GLDN: variants seen among roughly 807,000 people sequenced by gnomAD.
GLDN encodes gliomedin.
A neutral mutation model predicts 56.5 loss-of-function variants in GLDN; 47 were observed. The ratio of observed to expected loss-of-function variants is 0.83; its 90% CI spans 0.66 to 1.06. The LOEUF (loss-of-function observed/expected upper bound fraction) is 1.06. GLDN is among the 50% of genes least tolerant of loss of function. The pLI, the probability that GLDN is intolerant of heterozygous loss-of-function variation, is 0.00. For synonymous variants in GLDN, 332 were observed against 278.8 expected (o/e 1.19, Z -1.90); for missense variants, 782 against 714.3 (o/e 1.09, Z -1.08).
intron 1 of GLDN, among the ~76,000 whole-genome samples, chr15:51,345,092 G>A (rs1226621868): frequency 6.6e-6 from 1 of 152,136 alleles, no homozygotes; most frequent in Non-Finnish European, 1.5e-5. Context: ...ACTAACTCCT[G>A]TGGGAGATGC....
chr15:51,412,960 A>AT (rs147158000), downstream of GLDN, among the ~76,000 whole-genome samples: 11,255 of 151,168 alleles, frequency 0.074, 466 homozygotes, highest in Admixed American at 0.11. Flanking sequence ...GACAATTTAC[A>AT]TTTTTTTTTC....
At chr15:51,371,839 T>A (rs1282595079) in intron 1 of GLDN, among the ~76,000 whole-genome samples, 2 of 152,136 alleles carry the variant, frequency 1.3e-5, no homozygotes, top group East Asian at 3.9e-4. Context: ...CATGGCACAA[T>A]ACCCAGCTAA....
At position 51,401,708 on chromosome 15, in the gene GLDN, C is replaced by G; in HGVS notation, c.1143C>G (p.Leu381=). 1 of 1,614,206 alleles carries G rather than the reference C, an allele frequency of 6.2e-7. No individual in the cohort carries two copies. Among genetic ancestry groups the G allele is most frequent in the Non-Finnish European group, 8.5e-7 (1 of 1,180,004 alleles). Residue 381 remains leucine (L), a synonymous_variant, in exon 9 of 10, where the codon CTC becomes CTG. Transcript: ENST00000335449. The part of the protein sequence containing the change: ...GCGHVVYNNS[L]YYHKGGSNTL... ...GGCACGTTGTTTACAACAACTCTCT[C>G]TACTACCACAAAGGGGGTTCTAATA...
At chr15:51,384,022 T>C (rs1175929796) in intron 4 of GLDN, 130 bp downstream of exon 4, 7 of 763,882 alleles carry the variant, frequency 9.2e-6, no homozygotes, top group South Asian at 1.5e-5. Context: ...GGTTTAACTC[T>C]TACCTAGAAG....
chr15:51,341,923 C>T lies in GLDN; in HGVS notation c.239C>T (p.Ser80Phe). 1 of 1,595,640 alleles carries T rather than the reference C, an allele frequency of 6.3e-7. No individual in the cohort carries two copies. Among genetic ancestry groups the T allele is most frequent in the Non-Finnish European group, 8.5e-7 (1 of 1,178,616 alleles). The change falls in exon 1 of 10, where the codon TCC becomes TTC. Residue 80 changes from serine to phenylalanine, a missense_variant. Coordinates refer to ENST00000335449, the MANE Select transcript of GLDN (RefSeq NM_181789.4). ...AELSRAPRGA[S>F]APPQDPASSA... ...TTGAGCCGCGCGCCGCGCGGGGCGTCCGCACCACCCCAAGACCCGGCCAGC... is the reference window on the plus strand; with the variant it reads ...TTGAGCCGCGCGCCGCGCGGGGCGTTCGCACCACCCCAAGACCCGGCCAGC...
chr15:51,371,704 A>T (rs1481339015), intron 1 of GLDN, among the ~76,000 whole-genome samples: 2 of 152,040 alleles, frequency 1.3e-5, no homozygotes, highest in Non-Finnish European at 2.9e-5. Context: ...TTTTTTCAAG[A>T]TGGAGTCTCA....
rs571824889 is a variant in GLDN, at chr15:51,402,246, C to G, written c.1178+503C>G. 1.7e-3 allele frequency among the ~76,000 whole-genome samples: 260 copies of G among 152,352 alleles called. 1 individual carries two copies. Among genetic ancestry groups the G allele is most frequent in the African/African-American group, 5.8e-3 (243 of 41,578 alleles). On this transcript the variant is annotated intron_variant, in intron 9 of 9. Transcript: ENST00000335449. ...GAGTCCTCCCAGGCCGCCCTCTGCT[C>G]TCCCATAGGGAAGGGAGGAGGGTCA...
chr15:51,357,732 G>A (rs528433992), intron 1 of GLDN, among the ~76,000 whole-genome samples: 5 of 152,188 alleles, frequency 3.3e-5, no homozygotes, highest in South Asian at 2.1e-4. Flanking sequence ...CTCTGCAGCC[G>A]CCCATGCATG....
chr15:51,410,407 C>G (rs375708680), downstream of GLDN, among the ~76,000 whole-genome samples: 1 of 152,320 alleles, frequency 6.6e-6, no homozygotes, highest in Middle Eastern at 3.4e-3. Context: ...AGCGCCTCAT[C>G]ATCCAATGAC....
At chr15:51,345,282 A>C (rs1024011826) in intron 1 of GLDN, among the ~76,000 whole-genome samples, 1 of 152,202 alleles carries the variant, frequency 6.6e-6, no homozygotes, top group Non-Finnish European at 1.5e-5. Flanking sequence ...GAGTTTCATA[A>C]ATATTTTCAT....
intron 2 of GLDN, among the ~76,000 whole-genome samples, chr15:51,382,513 C>T (rs762299255): frequency 1.3e-4 from 19 of 151,584 alleles, no homozygotes; most frequent in Non-Finnish European, 2.2e-4. Flanking sequence ...TTCAGGAGAT[C>T]GAGGCTATCT....
chr15:51,380,279 C>T (rs1310682098), intron 2 of GLDN, among the ~76,000 whole-genome samples: 2 of 152,216 alleles, frequency 1.3e-5, no homozygotes, highest in Non-Finnish European at 2.9e-5. Flanking sequence ...CCTGAAGCCC[C>T]CTTGTGAGGT....
At position 51,353,734 on chromosome 15, in the gene GLDN, A is replaced by AC. The variant is rs1555401994; in HGVS notation, c.363+11689dup. Among the ~76,000 whole-genome samples, 87 of 128,884 alleles carry AC rather than the reference A, an allele frequency of 6.8e-4. 3 individuals are homozygous for AC. Among genetic ancestry groups the AC allele is most frequent in the Middle Eastern group, 3.9e-3 (1 of 256 alleles). The allele number at this position is 128,884 out of a possible 152,430, so 84.6% of individuals were successfully genotyped here. A position where few individuals can be genotyped will look rare whatever the true frequency, so the allele number is the denominator to read the frequency against. On this transcript the variant is annotated intron_variant, in intron 1 of 9. Coordinates refer to ENST00000335449, the MANE Select transcript of GLDN (RefSeq NM_181789.4). ...TTGATTAAAAAAAAAAAAAAAAAAA[A>AC]CCACAGTCAATTAAAAAAAAAAAAA...
rs1161077771 is a variant in GLDN, at chr15:51,383,815, A to C, written c.464A>C (p.His155Pro). 2 of 1,613,472 alleles carry C rather than the reference A, an allele frequency of 1.2e-6. No individual in the cohort carries two copies. The highest frequency in any genetic ancestry group is 3.3e-5 in the Admixed American group (2 of 59,966). The stretch of plus-strand genomic sequence containing the variant: ...CCGGGAGCCGGCGGGTTGCCAGGAC[A>C]CAACGGATTGGATGGACAGCCTGGT... ...GPPGAGGLPG[H>P]NGLDGQPGPQ... Residue 155 changes from histidine to proline, a missense_variant, in exon 4 of 10, where the codon CAC becomes CCC. By Grantham distance (77) the His-to-Pro change is moderately conservative (BLOSUM62 -2). Coordinates refer to ENST00000335449, the MANE Select transcript of GLDN (RefSeq NM_181789.4).
intron 1 of GLDN, among the ~76,000 whole-genome samples, chr15:51,363,823 G>A (rs1022166282): frequency 7.2e-5 from 11 of 152,188 alleles, no homozygotes; most frequent in Admixed American, 6.5e-4. Flanking sequence ...GATGTCCAAA[G>A]ATTCTTTATT....
At chr15:51,365,248 T>C (rs1294488503) in intron 1 of GLDN, among the ~76,000 whole-genome samples, 2 of 152,240 alleles carry the variant, frequency 1.3e-5, no homozygotes, top group African/African-American at 4.8e-5. Flanking sequence ...ATTTGTTATT[T>C]AAATTTTTTT....
At chr15:51,373,850 A>T (rs1416467799) in intron 1 of GLDN, among the ~76,000 whole-genome samples, 1 of 152,200 alleles carries the variant, frequency 6.6e-6, no homozygotes, top group African/African-American at 2.4e-5. Context: ...CTCCCTCAAG[A>T]CTTAAGAGGC....
In GLDN at chr15:51,341,741, C is replaced by A. The variant is rs752898508; in HGVS notation, c.57C>A (p.Ala19=). Residue 19 remains alanine (A), a synonymous_variant, in exon 1 of 10, where the codon GCC becomes GCA. Coordinates refer to ENST00000335449, the MANE Select transcript of GLDN (RefSeq NM_181789.4). ...ACGCGGGTTGGGGCCTGCGTGGCGC[C>A]CTGGCGGCCGTGGCGCTGCTCTCGG... ...RGDAGWGLRG[A]LAAVALLSAL... 2.0e-6 allele frequency: 3 copies of A among 1,463,640 alleles called. 1 individual carries two copies. In the South Asian group the frequency reaches 4.1e-5, roughly 20 times the overall value. The allele number at this position is 1,463,640 out of a possible 1,614,324, so 90.7% of individuals were successfully genotyped here.
chr15:51,354,314 T>C (rs181498939), intron 1 of GLDN, among the ~76,000 whole-genome samples: 4 of 152,334 alleles, frequency 2.6e-5, no homozygotes, highest in Admixed American at 1.3e-4. Flanking sequence ...TGGTTTTTTT[T>C]GTTACTCAGT....
Sources: allele counts gnomAD v4.1 joint callset (sites outside exome capture counted in the v4.1 genomes callset), GRCh38; gene constraint gnomAD v4.1.1; transcripts MANE v1.5; gene names NCBI Gene and HGNC (gene_info 2026-07-23, HGNC 2026-07-21).